Variants in AFG2A observed in about 807,000 individuals in gnomAD.
AFG2A encodes the protein AAA ATPase AFG2A, also known as ATPase family gene 2 protein homolog A.
At chr4:123,248,378 A>C in the AFG2A span, among the ~76,000 whole-genome samples, 1 of 152,206 alleles carries the variant, frequency 6.6e-6, no homozygotes, top group African/African-American at 2.4e-5. Context: ...AAAATTACTA[A>C]ATTGCATAAG....
At chr4:123,156,183 T>C in the AFG2A span, among the ~76,000 whole-genome samples, 2 of 152,208 alleles carry the variant, frequency 1.3e-5, no homozygotes, top group Non-Finnish European at 2.9e-5. Flanking sequence ...CTGTGTTTAG[T>C]TTGCAAGTTT....
chr4:123,309,367 C>T, the AFG2A span, among the ~76,000 whole-genome samples: 1 of 152,296 alleles, frequency 6.6e-6, no homozygotes, highest in South Asian at 2.1e-4. Flanking sequence ...GCTGTGTCCT[C>T]ACATGGTGGA....
chr4:122,996,372 GA>G, the AFG2A span, among the ~76,000 whole-genome samples: 2 of 152,122 alleles, frequency 1.3e-5, no homozygotes. Flanking sequence ...AATTTTAGTT[GA>G]ATGGCTGAGT....
the AFG2A span, among the ~76,000 whole-genome samples, chr4:123,087,882 AGGACG>A: frequency 6.6e-6 from 1 of 152,184 alleles, no homozygotes; most frequent in Non-Finnish European, 1.5e-5. Context: ...ACTTGCTGTT[AGGACG>A]GAGCGAAGAC....
the AFG2A span, among the ~76,000 whole-genome samples, chr4:123,108,788 A>AT: frequency 6.6e-6 from 1 of 152,142 alleles, no homozygotes; most frequent in African/African-American, 2.4e-5. Flanking sequence ...GCAAAATTAT[A>AT]TTTTTATGAA....
the AFG2A span, among the ~76,000 whole-genome samples, chr4:123,203,785 T>C: frequency 1.3e-5 from 2 of 152,232 alleles, no homozygotes; most frequent in Non-Finnish European, 2.9e-5. Context: ...TCATATGATA[T>C]ATTAGTTTCC....
the AFG2A span, among the ~76,000 whole-genome samples, chr4:123,227,047 G>T: frequency 1.3e-5 from 2 of 151,966 alleles, no homozygotes; most frequent in African/African-American, 2.4e-5. Context: ...CTGTGGGATC[G>T]GTGGTGATAT....
the AFG2A span, among the ~76,000 whole-genome samples, chr4:122,976,169 CTT>C: frequency 2.6e-5 from 4 of 152,244 alleles, no homozygotes; most frequent in South Asian, 8.3e-4. Context: ...TCCAGGATAA[CTT>C]TAGATATTCA....
the AFG2A span, among the ~76,000 whole-genome samples, chr4:123,273,862 A>G: frequency 1.3e-5 from 2 of 152,118 alleles, no homozygotes; most frequent in African/African-American, 4.8e-5. Flanking sequence ...CCAAAATTCA[A>G]ATACTTCTGG....
chr4:123,053,333 G>A, the AFG2A span, among the ~76,000 whole-genome samples: 7 of 152,248 alleles, frequency 4.6e-5, no homozygotes, highest in Admixed American at 1.3e-4. Context: ...CTCCGGCTGC[G>A]TGGAAATGCT....
the AFG2A span, among the ~76,000 whole-genome samples, chr4:123,185,111 C>G: frequency 1.3e-5 from 2 of 152,080 alleles, no homozygotes; most frequent in African/African-American, 2.4e-5. Context: ...CTCACCCCTT[C>G]CCAGAAATGA....
chr4:123,274,271 A>T, the AFG2A span, among the ~76,000 whole-genome samples: 1 of 152,138 alleles, frequency 6.6e-6, no homozygotes, highest in South Asian at 2.1e-4. Context: ...GAAAACTAAT[A>T]GTGCCTGGCC....
At chr4:123,003,243 G>C in the AFG2A span, among the ~76,000 whole-genome samples, 5 of 152,272 alleles carry the variant, frequency 3.3e-5, no homozygotes, top group South Asian at 1.0e-3. Flanking sequence ...CTTTGCCTTT[G>C]GTTTGAATTT....
the AFG2A span, among the ~76,000 whole-genome samples, chr4:123,031,304 C>A: frequency 1.3e-5 from 2 of 151,966 alleles, no homozygotes; most frequent in African/African-American, 2.4e-5. Flanking sequence ...GGCAAGCACC[C>A]CAACGCCCAG....
chr4:122,960,129 T>C, the AFG2A span, among the ~76,000 whole-genome samples: 1 of 152,352 alleles, frequency 6.6e-6, no homozygotes, highest in Middle Eastern at 3.4e-3. Context: ...AAATGTTTTA[T>C]CTCAAATGGG....
chr4:123,198,268 CAAA>C, the AFG2A span, among the ~76,000 whole-genome samples: 4 of 140,458 alleles, frequency 2.8e-5, no homozygotes, highest in Admixed American at 7.0e-5. Flanking sequence ...CACTCCGTCT[CAAA>C]AAAAAAAAAA....
At chr4:123,086,997 T>TTAA in the AFG2A span, among the ~76,000 whole-genome samples, 6 of 152,224 alleles carry the variant, frequency 3.9e-5, no homozygotes, top group African/African-American at 1.4e-4. Context: ...CCTTAACATA[T>TTAA]TAATCATAGT....
chr4:123,130,165 T>G, the AFG2A span, among the ~76,000 whole-genome samples: 101,458 of 151,338 alleles, frequency 0.67, 37,138 homozygotes, highest in East Asian at 0.97. Context: ...AGGCCACAGT[T>G]CCCAGCTAAT....
At chr4:123,069,265 C>G in the AFG2A span, among the ~76,000 whole-genome samples, 1 of 152,170 alleles carries the variant, frequency 6.6e-6, no homozygotes, top group African/African-American at 2.4e-5. Flanking sequence ...CTCCATGTTA[C>G]TCTCTGCACA....
Sources: allele counts gnomAD v4.1 joint callset (sites outside exome capture counted in the v4.1 genomes callset), GRCh38; gene constraint gnomAD v4.1.1; transcripts MANE v1.5; gene names NCBI Gene and HGNC (gene_info 2026-07-23, HGNC 2026-07-21).